SPATA13: variants seen among roughly 807,000 people sequenced by gnomAD.
SPATA13 encodes spermatogenesis-associated protein 13.
In SPATA13, 50 loss-of-function variants were observed where a neutral mutation model predicts 104.0. The ratio of observed to expected loss-of-function variants is 0.48; its 90% CI spans 0.38 to 0.61. The LOEUF is 0.61. Among genes scored for constraint, SPATA13 ranks in the 20% least tolerant of loss-of-function variants. SPATA13 has a pLI of 0.00. For missense variants in SPATA13, 1,524 were observed against 1,690.6 expected (o/e 0.90, Z 1.73); for synonymous variants, 606 against 667.5 (o/e 0.91, Z 1.42).
chr13:24,132,168 C>A, intron 3 of SPATA13, among the ~76,000 whole-genome samples: 1 of 152,244 alleles, frequency 6.6e-6, no homozygotes, highest in Admixed American at 6.5e-5. Flanking sequence ...CATCTTAATG[C>A]TACAGGATAA....
At chr13:24,005,854 A>G (rs1876197790) in intron 2 of SPATA13, among the ~76,000 whole-genome samples, 1 of 152,230 alleles carries the variant, frequency 6.6e-6, no homozygotes, top group Non-Finnish European at 1.5e-5. Flanking sequence ...ACACAGCAGC[A>G]TAGCTGACAT....
At chr13:24,258,101 G>C (rs1385173328) in intron 4 of SPATA13, among the ~76,000 whole-genome samples, 1 of 152,114 alleles carries the variant, frequency 6.6e-6, no homozygotes, top group East Asian at 1.9e-4. Context: ...TGGGTGTGGT[G>C]GCGCATGCCT....
chr13:24,053,425 C>A (rs140354464), intron 3 of SPATA13, among the ~76,000 whole-genome samples: 2 of 152,268 alleles, frequency 1.3e-5, no homozygotes, highest in South Asian at 2.1e-4. Context: ...TAGAAATGAT[C>A]TACGAGAAGT....
rs1295730307 is a variant in SPATA13, at chr13:24,303,371, T to C, written c.*598T>C. 1 of 215,958 alleles carries C rather than the reference T, an allele frequency of 4.6e-6. No individual in the cohort carries two copies. The highest frequency in any genetic ancestry group is 9.9e-6 in the Non-Finnish European group (1 of 100,906). The allele number at this position is 215,958 out of a possible 1,614,324, so 13.4% of individuals were successfully genotyped here. On this transcript the variant is annotated 3_prime_UTR_variant, in exon 13 of 13. Transcript: ENST00000382108. ...ATGCTAACTGGTAGTGCAAATGTCA[T>C]CCTGCAAGGTTCCTCTTCCTGCAAG...
chr13:24,039,374 G>A (rs1877831202), intron 3 of SPATA13, among the ~76,000 whole-genome samples: 1 of 152,202 alleles, frequency 6.6e-6, no homozygotes, highest in Admixed American at 6.5e-5. Context: ...ACATGGTAGG[G>A]AGAGCCTCAG....
At chr13:24,043,301 T>C (rs116174621) in intron 3 of SPATA13, among the ~76,000 whole-genome samples, 1,438 of 141,332 alleles carry the variant, frequency 0.01, 27 homozygotes, top group African/African-American at 0.032. Context: ...GTCCAGGTAC[T>C]TATGTGGTGG....
intron 1 of SPATA13, among the ~76,000 whole-genome samples, chr13:24,169,716 C>G (rs1882889580): frequency 1.3e-5 from 2 of 152,234 alleles, no homozygotes; most frequent in African/African-American, 2.4e-5. Context: ...CTCAAGCTCT[C>G]TGCAGAATGG....
intron 1 of SPATA13, among the ~76,000 whole-genome samples, chr13:24,196,423 A>T (rs1357377499): frequency 2.0e-5 from 3 of 152,190 alleles, no homozygotes; most frequent in Admixed American, 6.5e-5. Flanking sequence ...CATTCAATAA[A>T]AATACCTGTA....
At chr13:24,179,885 G>T (rs1868690921) in intron 1 of SPATA13, among the ~76,000 whole-genome samples, 2 of 151,912 alleles carry the variant, frequency 1.3e-5, no homozygotes, top group Non-Finnish European at 2.9e-5. Context: ...GAGTTGTAAG[G>T]GTTTTTTATA....
intron 4 of SPATA13, among the ~76,000 whole-genome samples, chr13:24,262,523 T>G (rs1241557536): frequency 1.3e-5 from 2 of 152,192 alleles, no homozygotes; most frequent in African/African-American, 2.4e-5. Context: ...CCTTATTCTG[T>G]CCTAATTATT....
chr13:24,127,193 A>G (rs955829548), intron 3 of SPATA13, among the ~76,000 whole-genome samples: 2 of 152,160 alleles, frequency 1.3e-5, no homozygotes, highest in Admixed American at 6.5e-5. Context: ...AGGTGTGGCC[A>G]GGGTAGGAAG....
chr13:24,264,655 A>G (rs980797114), intron 4 of SPATA13, among the ~76,000 whole-genome samples: 3 of 152,230 alleles, frequency 2.0e-5, no homozygotes, highest in African/African-American at 7.2e-5. Flanking sequence ...GAAAAAAGTT[A>G]TATTCCTCCA....
At chr13:24,265,478 A>T (rs1403983395) in intron 4 of SPATA13, among the ~76,000 whole-genome samples, 1 of 152,228 alleles carries the variant, frequency 6.6e-6, no homozygotes, top group Non-Finnish European at 1.5e-5. Flanking sequence ...CAAATGTAGC[A>T]AATTATTTCC....
intron 2 of SPATA13, among the ~76,000 whole-genome samples, chr13:24,245,312 T>C (rs1465417293): frequency 2.0e-5 from 3 of 152,020 alleles, no homozygotes; most frequent in Non-Finnish European, 4.4e-5. Flanking sequence ...CATTTTAGAA[T>C]ATCCATCAAA....
Position 24,154,532 on chromosome 13 carries a change from G to A in SPATA13, c.-111-68287G>A, listed in dbSNP as rs144687306. Among the ~76,000 whole-genome samples, 948 of 152,232 alleles carry A rather than the reference G, an allele frequency of 6.2e-3. 5 individuals carry two copies. Among genetic ancestry groups the A allele is most frequent in the Non-Finnish European group, 0.01 (687 of 68,028 alleles). On this transcript the variant is annotated intron_variant, in intron 3 of 14. Coordinates refer to the SPATA13 transcript ENST00000424834. ...GGGTACTGGGCATTGCTAACGGGGG[G>A]GAGGGGCACATAAGGGAGTCTTTTG...
At chr13:24,275,189 G>A (rs1394315904) in intron 4 of SPATA13, among the ~76,000 whole-genome samples, 1 of 152,140 alleles carries the variant, frequency 6.6e-6, no homozygotes, top group African/African-American at 2.4e-5. Context: ...TGGGGACTGG[G>A]GCATTCTACT....
At chr13:24,222,612 C>T (rs1056459237) in intron 1 of SPATA13, among the ~76,000 whole-genome samples, 2 of 152,130 alleles carry the variant, frequency 1.3e-5, no homozygotes, top group African/African-American at 2.4e-5. Context: ...GTGGCACAGC[C>T]CATAATTACC....
At chr13:23,995,490 G>A (rs1031077085) in intron 2 of SPATA13, among the ~76,000 whole-genome samples, 1 of 152,208 alleles carries the variant, frequency 6.6e-6, no homozygotes, top group Non-Finnish European at 1.5e-5. Context: ...AATAACAGAG[G>A]TCAGGTCTGG....
chr13:23,989,789 G>T (rs73162121), intron 2 of SPATA13, among the ~76,000 whole-genome samples: 12,653 of 152,248 alleles, frequency 0.083, 583 homozygotes, highest in Middle Eastern at 0.14. Context: ...CTTGGGAAGT[G>T]ATTAGATCAT....
Sources: allele counts gnomAD v4.1 joint callset (sites outside exome capture counted in the v4.1 genomes callset), GRCh38; gene constraint gnomAD v4.1.1; transcripts MANE v1.5; gene names NCBI Gene and HGNC (gene_info 2026-07-23, HGNC 2026-07-21).